Variants in LIPA observed in about 807,000 individuals in gnomAD.
The protein encoded by LIPA is lysosomal acid lipase/cholesteryl ester hydrolase.
In LIPA, 26 loss-of-function variants were observed where a neutral mutation model predicts 40.6. The observed-to-expected ratio is 0.64, with a 90% CI of 0.47 to 0.89. The LOEUF (loss-of-function observed/expected upper bound fraction) is 0.89. Ranked by LOEUF, LIPA falls within the 40% of genes least tolerant of loss-of-function variation. The pLI is 0.00. For synonymous variants in LIPA, 188 were observed against 168.4 expected (o/e 1.12, Z -0.90); for missense variants, 455 against 479.6 (o/e 0.95, Z 0.48).
chr10:89,271,795 C>T (rs188349445), intron 1 of LIPA, among the ~76,000 whole-genome samples: 21 of 152,200 alleles, frequency 1.4e-4, no homozygotes, highest in Admixed American at 1.0e-3. Context: ...GGCTCAGTGG[C>T]TTACGCTTGT....
chr10:89,371,359 G>C (rs919892736), intron 2 of LIPA, among the ~76,000 whole-genome samples: 1 of 152,210 alleles, frequency 6.6e-6, no homozygotes, highest in Admixed American at 6.5e-5. Flanking sequence ...CTCCATTTTA[G>C]TTCACATCAG....
At chr10:89,356,717 C>T (rs1193776170) in intron 2 of LIPA, among the ~76,000 whole-genome samples, 1 of 152,096 alleles carries the variant, frequency 6.6e-6, no homozygotes, top group African/African-American at 2.4e-5. Flanking sequence ...GTTTATATTA[C>T]AATGTAATAA....
At chr10:89,370,360 G>T (rs1042304638) in intron 2 of LIPA, among the ~76,000 whole-genome samples, 1 of 151,784 alleles carries the variant, frequency 6.6e-6, no homozygotes, top group Non-Finnish European at 1.5e-5. Flanking sequence ...AACTAACTAG[G>T]ACTACAGGCT....
chr10:89,216,559 AC>A (rs1297250857), intron 8 of LIPA, among the ~76,000 whole-genome samples: 2 of 152,066 alleles, frequency 1.3e-5, no homozygotes, highest in Middle Eastern at 3.2e-3. Flanking sequence ...TTGGAAAAAA[AC>A]AATAAAAGAT....
chr10:89,318,282 A>G (rs572223757), intron 1 of LIPA, among the ~76,000 whole-genome samples: 1 of 152,312 alleles, frequency 6.6e-6, no homozygotes, highest in South Asian at 2.1e-4. Flanking sequence ...AAATTGGCTA[A>G]AGAGTCAAGA....
chr10:89,334,060 G>T (rs1843691641), intron 1 of LIPA, among the ~76,000 whole-genome samples: 1 of 152,186 alleles, frequency 6.6e-6, no homozygotes, highest in African/African-American at 2.4e-5. Flanking sequence ...ACATGCTGGG[G>T]ACAAGCTGCA....
intron 3 of LIPA, among the ~76,000 whole-genome samples, chr10:89,234,097 C>T (rs1256438483): frequency 1.3e-5 from 2 of 152,328 alleles, no homozygotes; most frequent in East Asian, 1.9e-4. Flanking sequence ...GTGGGACAAA[C>T]ATTTGACCTG....
intron 1 of LIPA, among the ~76,000 whole-genome samples, chr10:89,272,546 G>T (rs1843270743): frequency 6.6e-6 from 1 of 152,160 alleles, no homozygotes; most frequent in South Asian, 2.1e-4. Flanking sequence ...GAATAGTGCT[G>T]CAATGAACAT....
At chr10:89,333,738 T>C (rs2133548691) in intron 1 of LIPA, among the ~76,000 whole-genome samples, 1 of 152,296 alleles carries the variant, frequency 6.6e-6, no homozygotes, top group Admixed American at 6.5e-5. Context: ...GAGAAACTGG[T>C]GATTGGAAAT....
At position 89,355,517 on chromosome 10, in the gene LIPA, A is replaced by T. The variant is rs562891463; in HGVS notation, c.61+57274T>A. The stretch of plus-strand genomic sequence containing the variant: ...TATTCTTCAGTTGAAATTATAAAGG[A>T]TACAACTATTAGAGACATTTGAACC... On this transcript the variant is annotated intron_variant, in intron 2 of 8. Transcript: ENST00000371837. 3.3e-5 allele frequency among the ~76,000 whole-genome samples: 5 copies of T among 152,360 alleles called. No individual in the cohort carries two copies. In the South Asian group the frequency reaches 8.3e-4, roughly 25 times the overall value.
At chr10:89,410,126 G>T (rs1403193924) in intron 2 of LIPA, among the ~76,000 whole-genome samples, 1 of 152,208 alleles carries the variant, frequency 6.6e-6, no homozygotes, top group Non-Finnish European at 1.5e-5. Context: ...CAAAAGGCTG[G>T]CCTCACTGTT....
chr10:89,380,389 C>T (rs1327280603), intron 2 of LIPA, among the ~76,000 whole-genome samples: 1 of 151,886 alleles, frequency 6.6e-6, no homozygotes, highest in African/African-American at 2.4e-5. Flanking sequence ...CCCTGTCTGC[C>T]ACAGGCATAC....
chr10:89,332,590 C>G, intron 1 of LIPA: 3 of 1,614,074 alleles, frequency 1.9e-6, no homozygotes. Flanking sequence ...AACCGGGACC[C>G]CAGCTTTTCA....
chr10:89,261,261 A>C lies in LIPA; in HGVS notation c.-1-13612T>G, dbSNP rs534514845. Among the ~76,000 whole-genome samples the C allele has an allele frequency of 2.0e-5, 3 of 152,324 alleles. No individual in the cohort carries two copies. In the South Asian group the frequency reaches 6.2e-4, roughly 32 times the overall value. ...TAGCTGGACCCTCTGGGTGTTCTAG[A>C]AATTTGAATTAGTAGTCAACAGTTA... On this transcript the variant is annotated intron_variant, in intron 1 of 5. Coordinates refer to the LIPA transcript ENST00000282673.
At chr10:89,224,369 A>G (rs1305397251) in intron 6 of LIPA, among the ~76,000 whole-genome samples, 7 of 152,200 alleles carry the variant, frequency 4.6e-5, no homozygotes. Flanking sequence ...GCCAAGGCAG[A>G]AGGACTGCCT....
intron 2 of LIPA, among the ~76,000 whole-genome samples, chr10:89,353,273 C>T (rs1843969661): frequency 2.0e-5 from 3 of 152,222 alleles, no homozygotes; most frequent in African/African-American, 7.2e-5. Flanking sequence ...CAAGCATGTG[C>T]ACTAAGAGGC....
intron 1 of LIPA, among the ~76,000 whole-genome samples, chr10:89,337,634 G>A (rs12250860): frequency 0.062 from 9,424 of 152,218 alleles, 698 homozygotes; most frequent in African/African-American, 0.18. Context: ...CCTGGGCTCA[G>A]GTGATCCACC....
intron 1 of LIPA, among the ~76,000 whole-genome samples, chr10:89,324,984 A>T (rs984625470): frequency 6.6e-6 from 1 of 152,230 alleles, no homozygotes; most frequent in African/African-American, 2.4e-5. Flanking sequence ...ATGAACCAAC[A>T]TGGCACATGT....
At chr10:89,252,313 T>G (rs1472193849), upstream of LIPA, among the ~76,000 whole-genome samples, 1 of 152,278 alleles carries the variant, frequency 6.6e-6, no homozygotes, top group Non-Finnish European at 1.5e-5. Context: ...TTAATCATTT[T>G]CTAAAACAAA....
Sources: allele counts gnomAD v4.1 joint callset (sites outside exome capture counted in the v4.1 genomes callset), GRCh38; gene constraint gnomAD v4.1.1; transcripts MANE v1.5; gene names NCBI Gene and HGNC (gene_info 2026-07-23, HGNC 2026-07-21).